Variants in SLIT3 observed in about 807,000 individuals in gnomAD.
SLIT3 encodes slit homolog 3 protein.
Under a neutral mutation model 184.0 loss-of-function variants are expected in SLIT3, and 68 were observed. That is an observed-to-expected ratio of 0.37 (90% CI 0.30 to 0.45). The LOEUF (loss-of-function observed/expected upper bound fraction) is 0.45. Among genes scored for constraint, SLIT3 ranks in the 20% least tolerant of loss-of-function variants. The pLI, the probability that SLIT3 is intolerant of heterozygous loss-of-function variation, is 1.00. For missense variants in SLIT3, 1,707 were observed against 2,026.0 expected, an observed-to-expected ratio of 0.84 and a Z score of 3.02; for synonymous variants, 831 against 828.6, an observed-to-expected ratio of 1.00 and a Z score of -0.05.
chr5:168,774,978 C>T (rs1029108758), intron 12 of SLIT3, among the ~76,000 whole-genome samples: 12 of 152,066 alleles, frequency 7.9e-5, no homozygotes, highest in Non-Finnish European at 1.2e-4. Context: ...TTGGCCCTTT[C>T]GCCAACCTCA....
intron 3 of SLIT3, among the ~76,000 whole-genome samples, chr5:169,242,815 G>A (rs1765447407): frequency 1.3e-5 from 2 of 152,170 alleles, no homozygotes; most frequent in African/African-American, 2.4e-5. Flanking sequence ...CACTTCCCCA[G>A]ACATGCATGG....
chr5:169,231,108 G>A (rs1325242122), intron 3 of SLIT3, among the ~76,000 whole-genome samples: 1 of 152,188 alleles, frequency 6.6e-6, no homozygotes, highest in African/African-American at 2.4e-5. Flanking sequence ...TCTCTGTGGA[G>A]TTTGCAATGT....
intron 3 of SLIT3, among the ~76,000 whole-genome samples, chr5:169,203,327 A>G (rs897130791): frequency 2.0e-5 from 3 of 150,650 alleles, no homozygotes; most frequent in African/African-American, 7.3e-5. Flanking sequence ...AAGAAAGCAC[A>G]TATTTATGCG....
intron 2 of SLIT3, among the ~76,000 whole-genome samples, chr5:169,248,835 GA>G (rs894289822): frequency 2.6e-5 from 4 of 151,398 alleles, no homozygotes; most frequent in African/African-American, 7.3e-5. Context: ...TCCCATGGGA[GA>G]AAAAAAAATG....
At chr5:169,207,394 C>T (rs1465436636) in intron 3 of SLIT3, among the ~76,000 whole-genome samples, 5 of 150,574 alleles carry the variant, frequency 3.3e-5, no homozygotes, top group Admixed American at 2.6e-4. Flanking sequence ...CACACACACA[C>T]ACACACACAC....
chr5:168,827,057 C>A lies in SLIT3; in HGVS notation c.558-3726G>T, dbSNP rs13436462. Among the ~76,000 whole-genome samples, 783 of 152,346 alleles carry A rather than the reference C, an allele frequency of 5.1e-3. 13 individuals carry two copies. The highest frequency in any genetic ancestry group is 0.017 in the African/African-American group (725 of 41,584). On this transcript the variant is annotated intron_variant, in intron 6 of 35. Coordinates refer to ENST00000519560, the MANE Select transcript of SLIT3 (RefSeq NM_003062.4). ...GGGATTACAGGTGTGAGCCACCATG[C>A]CCAGCCTGTATCGTTTCATTTAATT...
intron 4 of SLIT3, among the ~76,000 whole-genome samples, chr5:168,886,221 T>C (rs1241192501): frequency 6.6e-6 from 1 of 152,236 alleles, no homozygotes; most frequent in Non-Finnish European, 1.5e-5. Context: ...GCCATCCATC[T>C]GCAGGACTGT....
intron 5 of SLIT3, among the ~76,000 whole-genome samples, chr5:168,858,853 T>C (rs1158009373): frequency 2.0e-5 from 3 of 152,214 alleles, no homozygotes; most frequent in East Asian, 3.9e-4. Flanking sequence ...CCATCAACCA[T>C]ACTATGCTTT....
chr5:169,213,100 C>A (rs1424296118), intron 3 of SLIT3, among the ~76,000 whole-genome samples: 3 of 152,126 alleles, frequency 2.0e-5, no homozygotes, highest in Admixed American at 6.6e-5. Context: ...TAAGCTGAAG[C>A]AACTTCAGTA....
intron 6 of SLIT3, 144 bp from the exon 7 acceptor site, chr5:168,823,475 C>T (rs1219286264): frequency 2.7e-6 from 2 of 740,126 alleles, no homozygotes; most frequent in East Asian, 4.9e-5. Context: ...CAGCTGAAGA[C>T]AAGTGGACAG....
In SLIT3 at chr5:168,787,451, C is replaced by T. The variant is rs79802462; in HGVS notation, c.1080-1473G>A. On this transcript the variant is annotated intron_variant, in intron 11 of 35. Coordinates refer to ENST00000519560, the MANE Select transcript of SLIT3 (RefSeq NM_003062.4). ...GGGTGTACCCCTGTCTGGCTTCCCA[C>T]CCCAGGTCTTGGCTTGACTACCTTC... 6.7e-3 allele frequency among the ~76,000 whole-genome samples: 1,017 copies of T among 152,306 alleles called. 11 individuals are homozygous for T. Among genetic ancestry groups the T allele is most frequent in the African/African-American group, 0.023 (953 of 41,568 alleles).
rs140777912 is a variant in SLIT3, at chr5:168,924,013, G to A, written c.414-40677C>T. 2.0e-3 allele frequency among the ~76,000 whole-genome samples: 312 copies of A among 152,334 alleles called. 2 individuals are homozygous for A. Among genetic ancestry groups the A allele is most frequent in the African/African-American group, 7.1e-3 (296 of 41,576 alleles). On this transcript the variant is annotated intron_variant, in intron 4 of 35. Coordinates refer to ENST00000519560, the MANE Select transcript of SLIT3 (RefSeq NM_003062.4). ...TAGGGTCACAGAGACTGTCTGGCCT[G>A]CAAAGCCTAAAATAATATCTGGTCC...
At chr5:169,021,933 C>T (rs1756615491) in intron 4 of SLIT3, among the ~76,000 whole-genome samples, 1 of 145,990 alleles carries the variant, frequency 6.8e-6, no homozygotes. Flanking sequence ...ACTGTGGCTA[C>T]TGTAATGGAA....
chr5:168,776,211 C>T (rs2113547382), intron 12 of SLIT3, among the ~76,000 whole-genome samples: 1 of 152,258 alleles, frequency 6.6e-6, no homozygotes, highest in Non-Finnish European at 1.5e-5. Context: ...ATCATCCATG[C>T]CACCTCTCCC....
At chr5:169,143,432 G>A (rs995032002) in intron 4 of SLIT3, among the ~76,000 whole-genome samples, 4 of 152,208 alleles carry the variant, frequency 2.6e-5, no homozygotes, top group Admixed American at 6.5e-5. Context: ...AACTCAATCT[G>A]ACACCAAAGT....
At chr5:168,895,777 T>C (rs1156315452) in intron 4 of SLIT3, among the ~76,000 whole-genome samples, 2 of 152,246 alleles carry the variant, frequency 1.3e-5, no homozygotes, top group African/African-American at 4.8e-5. Context: ...TGCTGTTCTC[T>C]TGCTTATTTA....
intron 4 of SLIT3, chr5:169,012,303 C>T (rs1188949831): frequency 2.0e-5 from 3 of 152,236 alleles, no homozygotes; most frequent in African/African-American, 4.8e-5. Context: ...GATGCCACCT[C>T]GAAGGAGATG....
chr5:169,251,503 A>T, intron 1 of SLIT3, 44 bp from the exon 2 acceptor site: 1 of 1,290,652 alleles, frequency 7.7e-7, no homozygotes, highest in Non-Finnish European at 1.1e-6. Context: ...GTGGGTTACA[A>T]TTACGGTCTA....
chr5:169,067,893 C>A (rs1433759159), intron 4 of SLIT3, among the ~76,000 whole-genome samples: 1 of 152,210 alleles, frequency 6.6e-6, no homozygotes, highest in East Asian at 1.9e-4. Context: ...ACGCTCAGGG[C>A]ATCAAACTGG....
Sources: allele counts gnomAD v4.1 joint callset (sites outside exome capture counted in the v4.1 genomes callset), GRCh38; gene constraint gnomAD v4.1.1; transcripts MANE v1.5; gene names NCBI Gene and HGNC (gene_info 2026-07-23, HGNC 2026-07-21).